TRAPPC9: variants seen among roughly 807,000 people sequenced by gnomAD.
TRAPPC9 encodes IKK2 binding protein.
A neutral mutation model predicts 124.0 loss-of-function variants in TRAPPC9; 83 were observed. The ratio of observed to expected loss-of-function variants is 0.67; its 90% CI spans 0.56 to 0.80. The LOEUF is 0.80. Among genes scored for constraint, TRAPPC9 ranks in the 30% least tolerant of loss-of-function variants. The probability of loss-of-function intolerance (pLI) is 0.00; values close to 1 mark genes in which losing one functional copy is unlikely to be tolerated. For synonymous variants in TRAPPC9, 638 were observed against 617.5 expected (o/e 1.03, Z -0.49); for missense variants, 1,302 against 1,508.3 (o/e 0.86, Z 2.27).
chr8:140,046,311 G>A (rs1483549660), intron 17 of TRAPPC9, among the ~76,000 whole-genome samples: 1 of 152,292 alleles, frequency 6.6e-6, no homozygotes, highest in African/African-American at 2.4e-5. Flanking sequence ...GGGCAACAAT[G>A]CCTTCTTGGC....
rs139836923 is a variant in TRAPPC9, at chr8:139,825,033, C to T, written c.3055+60846G>A. Reference sequence around the variant, plus strand: ...GAAGCCCTTCTTCCCCCTCACAGAGCGCCAAAAGGACCTCTCATTCCACAG... The same window carrying T: ...GAAGCCCTTCTTCCCCCTCACAGAGTGCCAAAAGGACCTCTCATTCCACAG... On this transcript the variant is annotated intron_variant, in intron 21 of 22. Transcript: ENST00000438773. The surrounding 1 kb of genome is among the most constrained non-coding windows in gnomAD (Gnocchi z 4.6). Among the ~76,000 whole-genome samples the T allele has an allele frequency of 1.3e-4, 20 of 152,238 alleles. No homozygotes were observed. Among genetic ancestry groups the T allele is most frequent in the African/African-American group, 3.1e-4 (13 of 41,540 alleles).
intron 19 of TRAPPC9, among the ~76,000 whole-genome samples, chr8:139,968,666 T>C (rs917107461): frequency 6.6e-5 from 10 of 152,200 alleles, no homozygotes; most frequent in Admixed American, 3.3e-4. Flanking sequence ...TACTCATAAG[T>C]GGAGCGACTA....
intron 6 of TRAPPC9, among the ~76,000 whole-genome samples, chr8:140,399,064 C>G (rs2069176412): frequency 6.6e-6 from 1 of 152,236 alleles, no homozygotes; most frequent in South Asian, 2.1e-4. Context: ...GCCTTGGCAG[C>G]TTCCATGTGG....
At chr8:140,285,017 T>C (rs963793487) in intron 13 of TRAPPC9, among the ~76,000 whole-genome samples, 18 of 152,268 alleles carry the variant, frequency 1.2e-4, no homozygotes, top group Admixed American at 1.0e-3. Context: ...CAATTCTTAA[T>C]TTAAGTCAGT....
intron 17 of TRAPPC9, among the ~76,000 whole-genome samples, chr8:140,200,169 A>C (rs1451952999): frequency 6.6e-6 from 1 of 152,216 alleles, no homozygotes; most frequent in Non-Finnish European, 1.5e-5. Flanking sequence ...GCCCTGTGGG[A>C]CTGGACTCAG....
chr8:140,037,481 T>C (rs537469555), intron 17 of TRAPPC9, among the ~76,000 whole-genome samples: 11 of 152,194 alleles, frequency 7.2e-5, no homozygotes, highest in African/African-American at 9.6e-5. Context: ...CTGGCCCCAA[T>C]TGCCCAGCTA....
chr8:140,235,122 C>G (rs369968122), intron 16 of TRAPPC9, among the ~76,000 whole-genome samples: 1 of 152,126 alleles, frequency 6.6e-6, no homozygotes, highest in Non-Finnish European at 1.5e-5. Flanking sequence ...CAAGCGCCTG[C>G]CACCATGCCC....
At chr8:140,027,875 T>C (rs1160365459) in intron 17 of TRAPPC9, among the ~76,000 whole-genome samples, 1 of 152,008 alleles carries the variant, frequency 6.6e-6, no homozygotes, top group African/African-American at 2.4e-5. Flanking sequence ...TCAGATCTCA[T>C]GAGAACTCAC....
At chr8:140,357,021 T>C (rs977263719) in intron 9 of TRAPPC9, among the ~76,000 whole-genome samples, 1 of 152,208 alleles carries the variant, frequency 6.6e-6, no homozygotes, top group African/African-American at 2.4e-5. Flanking sequence ...TCAGCAGCCA[T>C]GCACTTGGCA....
At chr8:140,375,021 C>T (rs1321206890) in intron 7 of TRAPPC9, among the ~76,000 whole-genome samples, 1 of 152,170 alleles carries the variant, frequency 6.6e-6, no homozygotes, top group Non-Finnish European at 1.5e-5. Flanking sequence ...TCGAGCGCAA[C>T]TGCTTTTGGG....
intron 15 of TRAPPC9, among the ~76,000 whole-genome samples, chr8:140,266,071 G>C (rs967336034): frequency 6.6e-6 from 1 of 152,136 alleles, no homozygotes; most frequent in Non-Finnish European, 1.5e-5. Context: ...AGCTAATATA[G>C]TCAATGTTTC....
chr8:140,439,067 A>AGTCATTCACAGAAC lies in TRAPPC9; in HGVS notation c.701_714dup (p.Phe239ValfsTer3). 6.2e-7 allele frequency: 1 copy of AGTCATTCACAGAAC among 1,614,200 alleles called. No homozygotes were observed. Among genetic ancestry groups the AGTCATTCACAGAAC allele is most frequent in the Non-Finnish European group, 8.5e-7 (1 of 1,180,038 alleles). On this transcript the variant is annotated stop_gained and frameshift_variant, in exon 3 of 23. Transcript: ENST00000438773. LOFTEE classifies it high-confidence loss of function. ...CTCATCTTACCTCCAAGCCACAGAA[A>AGTCATTCACAGAAC]GTCATTCACAGAACGCAGCAGCTCC... is the stretch of plus-strand genomic sequence containing the variant.
At chr8:140,119,633 A>G (rs1318797832) in intron 17 of TRAPPC9, among the ~76,000 whole-genome samples, 1 of 152,264 alleles carries the variant, frequency 6.6e-6, no homozygotes, top group Non-Finnish European at 1.5e-5. Context: ...ACACTTGAGT[A>G]CATAGTAACA....
At chr8:139,985,559 C>G (rs548038206) in intron 19 of TRAPPC9, among the ~76,000 whole-genome samples, 1 of 152,134 alleles carries the variant, frequency 6.6e-6, no homozygotes, top group Non-Finnish European at 1.5e-5. Flanking sequence ...ACCAGCCCCA[C>G]GCGCATACCC....
rs116371454 is a variant in TRAPPC9, at chr8:139,836,359, G to A, written c.3055+49520C>T. ...CCAGCTCTCCATCTCAGACCCCGGA[G>A]CGGGACCGATCCTGGTTCTGACCCT... On this transcript the variant is annotated intron_variant, in intron 21 of 22. Coordinates refer to ENST00000438773, the MANE Select transcript of TRAPPC9 (RefSeq NM_001160372.4). 4.9e-3 allele frequency among the ~76,000 whole-genome samples: 746 copies of A among 152,352 alleles called. 9 individuals are homozygous for A. Among genetic ancestry groups the A allele is most frequent in the African/African-American group, 0.018 (732 of 41,594 alleles).
intron 21 of TRAPPC9, among the ~76,000 whole-genome samples, chr8:139,827,067 G>A (rs1825689315): frequency 6.6e-6 from 1 of 152,246 alleles, no homozygotes; most frequent in African/African-American, 2.4e-5. Flanking sequence ...TAGCCATCAG[G>A]TGGAAACCCT....
At chr8:139,972,680 A>C (rs1836179158) in intron 19 of TRAPPC9, among the ~76,000 whole-genome samples, 1 of 152,214 alleles carries the variant, frequency 6.6e-6, no homozygotes, top group Non-Finnish European at 1.5e-5. Context: ...TGCTGTGGCC[A>C]AAGTATGTTT....
chr8:139,845,422 T>C (rs901027973), intron 21 of TRAPPC9, among the ~76,000 whole-genome samples: 1 of 152,336 alleles, frequency 6.6e-6, no homozygotes, highest in East Asian at 1.9e-4. Flanking sequence ...AGATGGCTAA[T>C]AGCTTCCTAA....
intron 17 of TRAPPC9, among the ~76,000 whole-genome samples, chr8:140,143,281 A>G (rs2061408411): frequency 6.6e-6 from 1 of 152,216 alleles, no homozygotes; most frequent in Admixed American, 6.5e-5. Context: ...CCCTGGCAGC[A>G]TGATCTGTGC....
Sources: allele counts gnomAD v4.1 joint callset (sites outside exome capture counted in the v4.1 genomes callset), GRCh38; gene constraint gnomAD v4.1.1; non-coding constraint Gnocchi (gnomAD v3.1); transcripts MANE v1.5; gene names NCBI Gene and HGNC (gene_info 2026-07-23, HGNC 2026-07-21).